SUMF1: variants seen among roughly 807,000 people sequenced by gnomAD.
SUMF1 encodes the protein sulfatase modifying factor 1.
In SUMF1, 48 loss-of-function variants were observed where a neutral mutation model predicts 47.6. The observed-to-expected ratio is 1.01, with a 90% CI of 0.80 to 1.28. The LOEUF (loss-of-function observed/expected upper bound fraction) is 1.28, where lower values mean the gene tolerates loss of function less well. Among genes scored for constraint, SUMF1 ranks in the 50% most tolerant of loss-of-function variants. SUMF1 has a pLI of 0.00. For missense variants in SUMF1, 571 were observed against 485.4 expected, an observed-to-expected ratio of 1.18 and a Z score of -1.66; for synonymous variants, 230 against 192.1, an observed-to-expected ratio of 1.20 and a Z score of -1.63.
chr3:4,211,314 T>C (rs911689482), intron 8 of SUMF1, among the ~76,000 whole-genome samples: 1 of 149,690 alleles, frequency 6.7e-6, no homozygotes, highest in Non-Finnish European at 1.5e-5. Flanking sequence ...CCTGATCCTC[T>C]CCTTCCTCTA....
At chr3:4,258,985 T>A (rs1697024287) in intron 8 of SUMF1, among the ~76,000 whole-genome samples, 1 of 148,960 alleles carries the variant, frequency 6.7e-6, no homozygotes, top group Non-Finnish European at 1.5e-5. Context: ...AAATTGGAGA[T>A]CATCATTCTC....
In SUMF1 at chr3:4,156,729, T is replaced by C. The variant is rs143918351; in HGVS notation, c.1015-87984A>G. The stretch of plus-strand genomic sequence containing the variant: ...TGGAGTAAGGAAATTTAATAGACTA[T>C]AGAAAAGCATTTATTTCATTTAATC... On this transcript the variant is annotated intron_variant and NMD_transcript_variant, in intron 8 of 12. Transcript: ENST00000448413. Among the ~76,000 whole-genome samples the C allele has an allele frequency of 3.1e-3, 476 of 151,868 alleles. 18 individuals carry two copies. Among genetic ancestry groups the C allele is most frequent in the African/African-American group, 0.011 (450 of 41,134 alleles).
intron 3 of SUMF1, among the ~76,000 whole-genome samples, chr3:4,444,380 G>T (rs1337068252): frequency 6.6e-6 from 1 of 152,164 alleles, no homozygotes; most frequent in Non-Finnish European, 1.5e-5. Flanking sequence ...TATTAAACAT[G>T]TATAGTCACT....
intron 8 of SUMF1, among the ~76,000 whole-genome samples, chr3:4,229,563 T>C (rs1427563154): frequency 6.6e-6 from 1 of 152,174 alleles, no homozygotes; most frequent in Non-Finnish European, 1.5e-5. Context: ...TCATACATAA[T>C]GTTTGGCATT....
At chr3:4,349,980 T>C (rs1414043992) in intron 8 of SUMF1, among the ~76,000 whole-genome samples, 1 of 151,734 alleles carries the variant, frequency 6.6e-6, no homozygotes, top group East Asian at 1.9e-4. Context: ...AAAAATAAGT[T>C]GTATATATTA....
chr3:4,113,868 G>T (rs931734076), intron 8 of SUMF1, among the ~76,000 whole-genome samples: 1 of 152,056 alleles, frequency 6.6e-6, no homozygotes, highest in Non-Finnish European at 1.5e-5. Flanking sequence ...TCCTCAAAAG[G>T]TAGAATAATA....
intron 8 of SUMF1, among the ~76,000 whole-genome samples, chr3:4,337,182 TGTCCCTCC>T (rs1368792530): frequency 1.0e-5 from 1 of 99,364 alleles, no homozygotes; most frequent in Non-Finnish European, 1.9e-5. Flanking sequence ...GTCTCTTTTC[TGTCCCTCC>T]CTCCCTCCCT....
chr3:4,345,325 C>G (rs1699353202), intron 8 of SUMF1, among the ~76,000 whole-genome samples: 1 of 152,228 alleles, frequency 6.6e-6, no homozygotes, highest in South Asian at 2.1e-4. Flanking sequence ...ATCAGACTAA[C>G]AGCGGATCTC....
intron 1 of SUMF1, among the ~76,000 whole-genome samples, chr3:4,455,717 A>AAATAAT (rs147483904): frequency 7.0e-4 from 106 of 151,616 alleles, no homozygotes; most frequent in Non-Finnish European, 1.1e-3. Flanking sequence ...ACTCCGTTTC[A>AAATAAT]AATAATAATA....
intron 8 of SUMF1, among the ~76,000 whole-genome samples, chr3:4,213,576 T>C (rs1695847797): frequency 6.6e-6 from 1 of 152,162 alleles, no homozygotes; most frequent in Non-Finnish European, 1.5e-5. Context: ...TAACCATAAA[T>C]GTAAATGGGC....
intron 8 of SUMF1, among the ~76,000 whole-genome samples, chr3:4,163,388 G>GA (rs1559525323): frequency 3.5e-5 from 1 of 28,744 alleles, no homozygotes; most frequent in Non-Finnish European, 6.7e-5. Context: ...GGAAGGGAGG[G>GA]AGGGAGGGAG....
At chr3:4,308,300 C>T (rs1019557854) in intron 8 of SUMF1, among the ~76,000 whole-genome samples, 1 of 152,158 alleles carries the variant, frequency 6.6e-6, no homozygotes, top group African/African-American at 2.4e-5. Context: ...CTATGCACTA[C>T]CTGCAAAATT....
In SUMF1 at chr3:4,404,679, G is replaced by A. The variant is rs1011731793; in HGVS notation, c.954+6186C>T. ...CTTGCGAGGCTGAGGCAGGAGAATC[G>A]CTTGAACCCAGGAGGTGGAGGTTGC... On this transcript the variant is annotated intron_variant, in intron 7 of 8. Transcript: ENST00000272902. 7.2e-4 allele frequency among the ~76,000 whole-genome samples: 110 copies of A among 152,286 alleles called. 1 individual carries two copies. The highest frequency in any genetic ancestry group is 6.9e-3 in the Admixed American group (105 of 15,290).
intron 8 of SUMF1, among the ~76,000 whole-genome samples, chr3:4,103,983 A>G (rs1693098373): frequency 6.6e-6 from 1 of 152,144 alleles, no homozygotes; most frequent in Non-Finnish European, 1.5e-5. Flanking sequence ...TTGTCTTTAC[A>G]TCCTATATCT....
At chr3:4,374,838 C>G (rs1379402696) in intron 8 of SUMF1, among the ~76,000 whole-genome samples, 3 of 151,990 alleles carry the variant, frequency 2.0e-5, no homozygotes, top group African/African-American at 7.3e-5. Context: ...TTGGGAAGAC[C>G]TGGGACAATG....
chr3:4,168,741 G>A (rs896565742), intron 8 of SUMF1, among the ~76,000 whole-genome samples: 3 of 152,122 alleles, frequency 2.0e-5, no homozygotes, highest in African/African-American at 7.2e-5. Context: ...CATCTGTAAA[G>A]AGGAGACATT....
intron 7 of SUMF1, among the ~76,000 whole-genome samples, chr3:4,399,390 C>A (rs552831179): frequency 2.0e-5 from 3 of 152,136 alleles, no homozygotes; most frequent in Non-Finnish European, 4.4e-5. Flanking sequence ...ACTCTTCCCC[C>A]CCAAACCATT....
At chr3:4,036,686 G>A (rs1694803837) in intron 9 of SUMF1, among the ~76,000 whole-genome samples, 1 of 151,460 alleles carries the variant, frequency 6.6e-6, no homozygotes, top group South Asian at 2.1e-4. Flanking sequence ...GAGCCCCACT[G>A]TGAGGAGAAA....
At chr3:4,316,881 G>T (rs1322825552) in intron 8 of SUMF1, 4 of 1,549,200 alleles carry the variant, frequency 2.6e-6, no homozygotes, top group African/African-American at 2.7e-5. Flanking sequence ...TCAGGAAATC[G>T]ATGAGATGAA....
Sources: gnomAD v4.1 joint callset for allele counts (sites outside exome capture counted in the v4.1 genomes callset) on GRCh38, gnomAD v4.1.1 for gene constraint, MANE v1.5 for transcripts, NCBI Gene and HGNC (gene_info 2026-07-23, HGNC 2026-07-21) for gene names.